The following AGPAT5 variants were observed in gnomAD, a reference collection of about 807,000 sequenced individuals.
The protein encoded by AGPAT5 is 1-acyl-sn-glycerol-3-phosphate acyltransferase epsilon.
Under a neutral mutation model 45.6 loss-of-function variants are expected in AGPAT5, and 46 were observed. That is an observed-to-expected ratio of 1.01 (90% CI 0.80 to 1.29). AGPAT5 has a LOEUF of 1.29. Among genes scored for constraint, AGPAT5 ranks in the 50% most tolerant of loss-of-function variants. AGPAT5 has a pLI of 0.00. For synonymous variants in AGPAT5, 272 were observed against 167.0 expected (o/e 1.63, Z -4.85); for missense variants, 673 against 450.7 (o/e 1.49, Z -4.47).
At chr8:6,715,140 A>G (rs938793038) in intron 1 of AGPAT5, among the ~76,000 whole-genome samples, 2 of 152,202 alleles carry the variant, frequency 1.3e-5, no homozygotes, top group Non-Finnish European at 2.9e-5. Context: ...TGTACCTGCC[A>G]TTATGGAGGT....
In AGPAT5 at chr8:6,760,269, G is replaced by C. The variant is rs921742440; in HGVS notation, c.*2881G>C. Among the ~76,000 whole-genome samples the C allele has an allele frequency of 6.6e-6, 1 of 152,054 alleles. No individual in the cohort carries two copies. The highest frequency in any genetic ancestry group is 2.4e-5 in the African/African-American group (1 of 41,394). On this transcript the variant is annotated 3_prime_UTR_variant, in exon 8 of 8. Coordinates refer to ENST00000285518, the MANE Select transcript of AGPAT5 (RefSeq NM_018361.5). Reference sequence around the variant, plus strand: ...TTAGCCAGGCATGGTGGCGTACACTGAGTAGTTTGTCCCAGCTACTCGGGA... The same window carrying C: ...TTAGCCAGGCATGGTGGCGTACACTCAGTAGTTTGTCCCAGCTACTCGGGA...
At chr8:6,726,378 G>C (rs1239575725) in intron 2 of AGPAT5, among the ~76,000 whole-genome samples, 1 of 152,140 alleles carries the variant, frequency 6.6e-6, no homozygotes, top group Admixed American at 6.5e-5. Flanking sequence ...AGAGTTGTCT[G>C]TTTAACAGGA....
intron 3 of AGPAT5, among the ~76,000 whole-genome samples, chr8:6,731,070 G>T (rs1166926022): frequency 6.6e-6 from 1 of 151,644 alleles, no homozygotes; most frequent in Non-Finnish European, 1.5e-5. Context: ...GGGTCTCGCT[G>T]TGTTGCCCAG....
intron 1 of AGPAT5, among the ~76,000 whole-genome samples, chr8:6,714,879 T>C (rs1800269683): frequency 6.6e-6 from 1 of 152,246 alleles, no homozygotes; most frequent in Admixed American, 6.5e-5. Flanking sequence ...CTTTTGTATA[T>C]TTGTCTGATT....
chr8:6,751,723 A>G (rs1289420590), intron 6 of AGPAT5, among the ~76,000 whole-genome samples: 5 of 144,762 alleles, frequency 3.5e-5, no homozygotes, highest in Non-Finnish European at 7.6e-5. Flanking sequence ...TTTTTTTTTA[A>G]TTATTTTTCT....
chr8:6,740,382 G>A (rs1801207385), intron 4 of AGPAT5, among the ~76,000 whole-genome samples: 1 of 151,026 alleles, frequency 6.6e-6, no homozygotes, highest in African/African-American at 2.4e-5. Context: ...ATATAATAAG[G>A]AATTTTGTAT....
At chr8:6,733,635 T>G (rs989731964) in intron 4 of AGPAT5, among the ~76,000 whole-genome samples, 1 of 152,198 alleles carries the variant, frequency 6.6e-6, no homozygotes, top group Non-Finnish European at 1.5e-5. Flanking sequence ...GTGTGGTGAA[T>G]TTGGGCAGAA....
intron 1 of AGPAT5, among the ~76,000 whole-genome samples, chr8:6,710,493 A>C (rs1056871224): frequency 2.0e-5 from 3 of 152,250 alleles, no homozygotes; most frequent in Non-Finnish European, 4.4e-5. Context: ...GAAGTTCTTT[A>C]GGAGTCGTAG....
chr8:6,727,765 G>A (rs1800736187), intron 2 of AGPAT5, among the ~76,000 whole-genome samples: 1 of 152,194 alleles, frequency 6.6e-6, no homozygotes, highest in Non-Finnish European at 1.5e-5. Flanking sequence ...TGCGTGGTGA[G>A]TAGAATGTTA....
intron 4 of AGPAT5, among the ~76,000 whole-genome samples, chr8:6,739,898 A>G (rs1428972777): frequency 2.0e-5 from 3 of 151,638 alleles, no homozygotes; most frequent in African/African-American, 7.3e-5. Flanking sequence ...CCCTTCCTAA[A>G]TTTTTTCTCA....
chr8:6,744,617 A>C (rs969030768), intron 5 of AGPAT5, among the ~76,000 whole-genome samples: 4 of 152,174 alleles, frequency 2.6e-5, no homozygotes, highest in South Asian at 2.1e-4. Flanking sequence ...TGCTGGGTCC[A>C]GTGCTCTGCT....
intron 2 of AGPAT5, among the ~76,000 whole-genome samples, chr8:6,728,686 A>G (rs1026106170): frequency 6.6e-6 from 1 of 152,246 alleles, no homozygotes; most frequent in Non-Finnish European, 1.5e-5. Flanking sequence ...TTTGTACGCC[A>G]ACTATATTTC....
At chr8:6,726,659 A>G (rs1284695689) in intron 2 of AGPAT5, among the ~76,000 whole-genome samples, 3 of 152,204 alleles carry the variant, frequency 2.0e-5, no homozygotes, top group Non-Finnish European at 4.4e-5. Context: ...ACAATTCTGC[A>G]TGTATTTGGG....
rs1802010803 is a variant in AGPAT5 at position 6,760,729 on chromosome 8, A to G, written c.*3341A>G. Among the ~76,000 whole-genome samples the G allele has an allele frequency of 6.6e-6, 1 of 152,090 alleles. No homozygotes were observed. Among genetic ancestry groups the G allele is most frequent in the South Asian group, 2.1e-4 (1 of 4,828 alleles). ...TTTGGGCCAGTTTTCATTACGAGTAACTCACACTTTTTGATTAAAGAACTT... is the reference window on the plus strand; with the variant it reads ...TTTGGGCCAGTTTTCATTACGAGTAGCTCACACTTTTTGATTAAAGAACTT... On this transcript the variant is annotated 3_prime_UTR_variant, in exon 8 of 8. Coordinates refer to ENST00000285518, the MANE Select transcript of AGPAT5 (RefSeq NM_018361.5).
At chr8:6,737,614 A>G (rs1015160378) in intron 4 of AGPAT5, among the ~76,000 whole-genome samples, 1 of 152,228 alleles carries the variant, frequency 6.6e-6, no homozygotes, top group African/African-American at 2.4e-5. Flanking sequence ...ACTATGAGCT[A>G]GTAAAACTTA....
chr8:6,711,996 G>C (rs549711146), intron 1 of AGPAT5, among the ~76,000 whole-genome samples: 1 of 152,186 alleles, frequency 6.6e-6, no homozygotes, highest in Admixed American at 6.5e-5. Flanking sequence ...AGGTTCCAGG[G>C]CTTAGGATGT....
chr8:6,718,059 A>G (rs986930461), intron 1 of AGPAT5, among the ~76,000 whole-genome samples: 11 of 152,332 alleles, frequency 7.2e-5, no homozygotes, highest in East Asian at 5.8e-4. Flanking sequence ...TTGTCATGCT[A>G]TTTTGAAGAC....
chr8:6,711,278 G>A (rs925126595), intron 1 of AGPAT5, among the ~76,000 whole-genome samples: 2 of 152,172 alleles, frequency 1.3e-5, no homozygotes, highest in African/African-American at 4.8e-5. Flanking sequence ...AATTTAGTTG[G>A]ATTTTTCTTG....
At chr8:6,709,828 T>G (rs938555056) in intron 1 of AGPAT5, among the ~76,000 whole-genome samples, 1 of 152,090 alleles carries the variant, frequency 6.6e-6, no homozygotes, top group Non-Finnish European at 1.5e-5. Context: ...CAGTTGGAAG[T>G]TGTTTGGGGG....
Sources: gnomAD v4.1 joint callset for allele counts (sites outside exome capture counted in the v4.1 genomes callset) on GRCh38, gnomAD v4.1.1 for gene constraint, MANE v1.5 for transcripts, NCBI Gene and HGNC (gene_info 2026-07-23, HGNC 2026-07-21) for gene names.